Variants in TMEM181 observed in about 807,000 individuals in gnomAD.
TMEM181 encodes the protein transmembrane protein 181.
TMEM181 carries 39 observed loss-of-function variants against 71.9 expected under a neutral mutation model. The observed-to-expected ratio is 0.54, with a 90% CI of 0.42 to 0.71. The LOEUF (loss-of-function observed/expected upper bound fraction) is 0.71. Among genes scored for constraint, TMEM181 ranks in the 30% least tolerant of loss-of-function variants. The pLI is 0.00. For missense variants in TMEM181, 595 were observed against 583.0 expected, an observed-to-expected ratio of 1.02 and a Z score of -0.21; for synonymous variants, 245 against 228.8, an observed-to-expected ratio of 1.07 and a Z score of -0.64.
At chr6:158,536,785 G>T in exon 1 of TMEM181, 1 of 1,570,240 alleles carries the variant, frequency 6.4e-7, no homozygotes. Context: ...GCGAGCTCAA[G>T]CACCTGTGCC....
At position 158,536,762 on chromosome 6, in the gene TMEM181, C is replaced by T. The variant is rs779802741; in HGVS notation, c.28C>T (p.Pro10Ser). 78 of 1,576,414 alleles carry T rather than the reference C, an allele frequency of 4.9e-5. No individual in the cohort carries two copies. The highest frequency in any genetic ancestry group is 3.5e-4 in the Middle Eastern group (2 of 5,746). ...GGACGCCGAGTACCCTGCCTTTGAG[C>T]CCCCGCTCTGCAGCGAGCTCAAGCA... Residue 10 changes from proline (P) to serine (S), a missense_variant, in exon 1 of 17, where the codon CCC (proline) becomes TCC (serine). Physicochemically the swap from Pro to Ser is moderately conservative, Grantham distance 74. Transcript: ENST00000367090.
At chr6:158,623,464 AAAAAC>A in intron 10 of TMEM181, 81 bp from the exon 11 acceptor site, 1 of 992,908 alleles carries the variant, frequency 1.0e-6, no homozygotes, top group Non-Finnish European at 1.4e-6. Flanking sequence ...AATAAGTAAA[AAAAAC>A]AAAAAGTCAA....
intron 10 of TMEM181, among the ~76,000 whole-genome samples, chr6:158,617,205 G>A (rs1785665313): frequency 6.6e-6 from 1 of 152,070 alleles, no homozygotes; most frequent in Non-Finnish European, 1.5e-5. Context: ...TCCTGGTTTC[G>A]TCTTGGGAGA....
At chr6:158,612,019 C>T (rs1014706830) in intron 10 of TMEM181, among the ~76,000 whole-genome samples, 1 of 149,348 alleles carries the variant, frequency 6.7e-6, no homozygotes, top group Non-Finnish European at 1.5e-5. Context: ...TCTATCTTAG[C>T]GCATTTAAAG....
intron 6 of TMEM181, among the ~76,000 whole-genome samples, chr6:158,599,422 G>A (rs982945276): frequency 4.6e-5 from 7 of 152,226 alleles, no homozygotes; most frequent in African/African-American, 1.2e-4. Context: ...GGACCTTGAC[G>A]CAAAAGCTTG....
At chr6:158,593,911 C>A (rs114025925) in intron 6 of TMEM181, among the ~76,000 whole-genome samples, 1 of 151,988 alleles carries the variant, frequency 6.6e-6, no homozygotes, top group African/African-American at 2.4e-5. Context: ...CATTGACACA[C>A]CACCCAGAGC....
chr6:158,542,616 T>G (rs539887206), intron 1 of TMEM181, among the ~76,000 whole-genome samples: 1 of 152,300 alleles, frequency 6.6e-6, no homozygotes, highest in Non-Finnish European at 1.5e-5. Context: ...TTTTGTTGTT[T>G]GTTTTTGAGG....
exon 1 of TMEM181, chr6:158,536,720 G>A (rs762590209): frequency 1.9e-6 from 3 of 1,559,316 alleles, no homozygotes; most frequent in East Asian, 2.4e-5. Flanking sequence ...ACCGGGACCC[G>A]GGAGGCTGCG....
intron 1 of TMEM181, among the ~76,000 whole-genome samples, chr6:158,550,275 C>A (rs1456706986): frequency 6.6e-6 from 1 of 151,646 alleles, no homozygotes; most frequent in Admixed American, 6.6e-5. Flanking sequence ...GAACTCCTGA[C>A]CTCAGGTGAT....
rs1251050664 is a variant in TMEM181 at position 158,620,899 on chromosome 6, T to TA, written c.897-2648dup. Among the ~76,000 whole-genome samples the TA allele has an allele frequency of 6.6e-6, 1 of 152,140 alleles. No individual in the cohort carries two copies. The highest frequency in any genetic ancestry group is 2.4e-5 in the African/African-American group (1 of 41,438). On this transcript the variant is annotated intron_variant, in intron 10 of 16. Coordinates refer to ENST00000684151, the MANE Select transcript of TMEM181 (RefSeq NM_001376852.1). This position sits in a 1 kb window ranked among gnomAD's most constrained non-coding sequence, Gnocchi z 4.5. ...TGAAAAATAGGTTTATTTTGGACAA[T>TA]AAACCTGAGAGGGCCTTCTGGCCAA...
chr6:158,537,052 A>C (rs1297490269), intron 1 of TMEM181, among the ~76,000 whole-genome samples: 1 of 151,606 alleles, frequency 6.6e-6, no homozygotes, highest in Non-Finnish European at 1.5e-5. Context: ...GGGGACGGGG[A>C]GCAGGGATAC....
chr6:158,595,303 GAATA>G (rs1784331214), intron 6 of TMEM181, among the ~76,000 whole-genome samples: 2 of 152,188 alleles, frequency 1.3e-5, no homozygotes, highest in Admixed American at 1.3e-4. Flanking sequence ...AAGCTATAAT[GAATA>G]GATAGACGCT....
rs977899565 is a variant in TMEM181, at chr6:158,635,315, A to G, written c.*3427A>G. 1.3e-5 allele frequency: 2 copies of G among 152,256 alleles called. No individual in the cohort carries two copies. The highest frequency in any genetic ancestry group is 2.9e-5 in the Non-Finnish European group (2 of 68,040). The allele number at this position is 152,256 out of a possible 1,614,324, so 9.4% of individuals were successfully genotyped here. On this transcript the variant is annotated 3_prime_UTR_variant, in exon 17 of 17. Transcript: ENST00000684151. ...GTGGGGCACAGTGCCACCCCATCAC[A>G]GTGTTGCTGTCATCAGGCAAAAGTG...
chr6:158,537,795 G>T (rs2128276038), intron 1 of TMEM181, among the ~76,000 whole-genome samples: 1 of 152,260 alleles, frequency 6.6e-6, no homozygotes, highest in African/African-American at 2.4e-5. Context: ...ATGGGGAACG[G>T]GTGGTCATTT....
At chr6:158,601,167 T>G (rs891180611) in intron 6 of TMEM181, among the ~76,000 whole-genome samples, 3 of 152,234 alleles carry the variant, frequency 2.0e-5, no homozygotes, top group African/African-American at 4.8e-5. Flanking sequence ...ATGTGATGTT[T>G]TGGGTTTATA....
chr6:158,576,914 T>C (rs772801736), intron 2 of TMEM181, among the ~76,000 whole-genome samples: 5 of 151,784 alleles, frequency 3.3e-5, no homozygotes, highest in Non-Finnish European at 7.4e-5. Flanking sequence ...TACAAAAAAT[T>C]AGCCAGGCAT....
At chr6:158,631,750 G>T in intron 16 of TMEM181, 60 bp from the exon 17 acceptor site, 1 of 1,513,636 alleles carries the variant, frequency 6.6e-7, no homozygotes, top group Non-Finnish European at 9.0e-7. Context: ...TGTCAGTGTG[G>T]AAGAGGAAAA....
At chr6:158,538,410 C>T (rs1184561138) in intron 1 of TMEM181, among the ~76,000 whole-genome samples, 1 of 151,390 alleles carries the variant, frequency 6.6e-6, no homozygotes, top group Non-Finnish European at 1.5e-5. Flanking sequence ...CCACCTTGGC[C>T]TCCCAAAGTA....
At chr6:158,605,162 G>GTGTA (rs1554227530) in intron 6 of TMEM181, 105 bp from the exon 7 acceptor site, 7 of 668,874 alleles carry the variant, frequency 1.0e-5, no homozygotes, top group Non-Finnish European at 1.8e-5. Context: ...GTGTGTGTAT[G>GTGTA]TGTATATATT....
Sources: gnomAD v4.1 joint callset for allele counts (sites outside exome capture counted in the v4.1 genomes callset) on GRCh38, gnomAD v4.1.1 for gene constraint, Gnocchi (gnomAD v3.1) non-coding constraint, MANE v1.5 for transcripts, NCBI Gene and HGNC (gene_info 2026-07-23, HGNC 2026-07-21) for gene names.